SLC5A3: variants seen among roughly 807,000 people sequenced by gnomAD.
SLC5A3 encodes sodium/myo-inositol cotransporter.
Under a neutral mutation model 43.2 loss-of-function variants are expected in SLC5A3, and 10 were observed. The observed-to-expected ratio is 0.23, with a 90% CI of 0.14 to 0.39. The LOEUF (loss-of-function observed/expected upper bound fraction) is 0.39, where lower values mean the gene tolerates loss of function less well. Among genes scored for constraint, SLC5A3 ranks in the 10% least tolerant of loss-of-function variants. The probability of loss-of-function intolerance (pLI) is 1.00; values close to 1 mark genes in which losing one functional copy is unlikely to be tolerated. For missense variants in SLC5A3, 608 were observed against 893.4 expected, an observed-to-expected ratio of 0.68 and a Z score of 4.07; for synonymous variants, 349 against 322.0, an observed-to-expected ratio of 1.08 and a Z score of -0.90.
intron 1 of SLC5A3, among the ~76,000 whole-genome samples, chr21:34,081,964 A>T (rs1042959823): frequency 1.3e-5 from 2 of 151,612 alleles, no homozygotes; most frequent in Non-Finnish European, 2.9e-5. Flanking sequence ...CCCATCTATT[A>T]TTGCCATGAG....
At chr21:34,087,038 C>T (rs113472929) in intron 1 of SLC5A3, among the ~76,000 whole-genome samples, 1,801 of 152,272 alleles carry the variant, frequency 0.012, 39 homozygotes, top group South Asian at 0.081. Flanking sequence ...AAACACGTTC[C>T]GCAGTGGAGT....
Position 34,097,694 on chromosome 21 carries a change from A to G in SLC5A3, c.*339A>G. On this transcript the variant is annotated 3_prime_UTR_variant, in exon 2 of 2. Transcript: ENST00000381151. Reference sequence around the variant, plus strand: ...ATTAAGGTATACTGTCTGCACTGCCAAGTCTTGGCAGACCTTACCCTGAAG... The same window carrying G: ...ATTAAGGTATACTGTCTGCACTGCCGAGTCTTGGCAGACCTTACCCTGAAG... The G allele has an allele frequency of 2.0e-6, 2 of 1,021,554 alleles. No individual in the cohort carries two copies. Among genetic ancestry groups the G allele is most frequent in the Non-Finnish European group, 2.4e-6 (2 of 844,626 alleles). The allele number at this position is 1,021,554 out of a possible 1,614,324, so 63.3% of individuals were successfully genotyped here. A position where few individuals can be genotyped will look rare whatever the true frequency, so the allele number is the denominator to read the frequency against.
Position 34,073,677 on chromosome 21 carries a change from G to C in SLC5A3, c.-405G>C, listed in dbSNP as rs1039111917. On this transcript the variant is annotated 5_prime_UTR_variant, in exon 1 of 2. Coordinates refer to ENST00000381151, the MANE Select transcript of SLC5A3 (RefSeq NM_006933.7). Reference sequence around the variant, plus strand: ...GTCCCGGGAACCGGCTGGCTTCCGAGCCGCACTCGCCGATCCTCCAGGCAT... The same window carrying C: ...GTCCCGGGAACCGGCTGGCTTCCGACCCGCACTCGCCGATCCTCCAGGCAT... The C allele has an allele frequency of 5.3e-6, 8 of 1,515,014 alleles. No homozygotes were observed. The highest frequency in any genetic ancestry group is 1.2e-5 in the South Asian group (1 of 86,546). 93.8% of individuals were successfully genotyped at this position (1,515,014 alleles called of 1,614,324 possible).
intron 1 of SLC5A3, among the ~76,000 whole-genome samples, chr21:34,075,147 A>G (rs543661780): frequency 2.0e-5 from 3 of 152,372 alleles, no homozygotes; most frequent in Non-Finnish European, 2.9e-5. Flanking sequence ...GAAGTTGTTT[A>G]AGCCCTCCCT....
intron 1 of SLC5A3, among the ~76,000 whole-genome samples, chr21:34,083,386 C>T (rs1222764243): frequency 6.6e-6 from 1 of 152,126 alleles, no homozygotes; most frequent in East Asian, 1.9e-4. Flanking sequence ...GTATGAATTC[C>T]GAATATAAAA....
intron 1 of SLC5A3, among the ~76,000 whole-genome samples, chr21:34,092,723 A>T (rs183799436): frequency 6.6e-6 from 1 of 152,360 alleles, no homozygotes; most frequent in African/African-American, 2.4e-5. Context: ...CTCTGAACAA[A>T]TAAGCTGCAG....
At position 34,073,584 on chromosome 21, in the gene SLC5A3, G is replaced by C; in HGVS notation, c.-498G>C. 1 of 869,650 alleles carries C rather than the reference G, an allele frequency of 1.1e-6. No homozygotes were observed. The highest frequency in any genetic ancestry group is 1.7e-6 in the Non-Finnish European group (1 of 586,068). 53.9% of individuals were successfully genotyped at this position (869,650 alleles called of 1,614,324 possible). A position where few individuals can be genotyped will look rare whatever the true frequency, so the allele number is the denominator to read the frequency against. On this transcript the variant is annotated 5_prime_UTR_variant, in exon 1 of 2. Transcript: ENST00000381151. ...GCTCGCGCTCTCGGACCGTGCTTTC[G>C]CCGCCTGGGAGCCGTCCGGCGCAGC...
At chr21:34,087,455 G>C (rs1978451442) in intron 1 of SLC5A3, among the ~76,000 whole-genome samples, 1 of 152,182 alleles carries the variant, frequency 6.6e-6, no homozygotes, top group African/African-American at 2.4e-5. Flanking sequence ...ACACATCAGG[G>C]AACAACACAG....
At position 34,103,866 on chromosome 21, in the gene SLC5A3, A is replaced by C. The variant is rs1418678736; in HGVS notation, c.*6511A>C. 1 of 1,000,050 alleles carries C rather than the reference A, an allele frequency of 1.0e-6. No individual in the cohort carries two copies. Among genetic ancestry groups the C allele is most frequent in the African/African-American group, 1.7e-5 (1 of 57,232 alleles). 61.9% of individuals were successfully genotyped at this position (1,000,050 alleles called of 1,614,324 possible). On this transcript the variant is annotated 3_prime_UTR_variant, in exon 2 of 2. Transcript: ENST00000381151. Reference sequence around the variant, plus strand: ...GGGTTACTAGCTAAAATGGGGTTTGAGGGCTTTTTACTGCAACTTGAAACT... The same window carrying C: ...GGGTTACTAGCTAAAATGGGGTTTGCGGGCTTTTTACTGCAACTTGAAACT...
In SLC5A3 at chr21:34,105,123, A is replaced by G; in HGVS notation, c.*7768A>G. On this transcript the variant is annotated 3_prime_UTR_variant, in exon 2 of 2. Coordinates refer to ENST00000381151, the MANE Select transcript of SLC5A3 (RefSeq NM_006933.7). ...AATAATGCCATACTCCATTAGTGTC[A>G]GATGATGGTATGGAATTTGTTCCCT... 2 of 1,000,202 alleles carry G rather than the reference A, an allele frequency of 2.0e-6. No homozygotes were observed. The highest frequency in any genetic ancestry group is 9.4e-5 in the South Asian group (2 of 21,284). 62.0% of individuals were successfully genotyped at this position (1,000,202 alleles called of 1,614,324 possible).
intron 1 of SLC5A3, among the ~76,000 whole-genome samples, chr21:34,083,090 T>G (rs556970228): frequency 1.1e-3 from 172 of 152,328 alleles, no homozygotes; most frequent in African/African-American, 4.0e-3. Context: ...TGACTTGAGT[T>G]TTTAAAAGTT....
chr21:34,104,614 G>A lies in SLC5A3; in HGVS notation c.*7259G>A. 1 of 1,000,168 alleles carries A rather than the reference G, an allele frequency of 1.0e-6. No individual in the cohort carries two copies. The highest frequency in any genetic ancestry group is 1.2e-6 in the Non-Finnish European group (1 of 829,950). 62.0% of individuals were successfully genotyped at this position (1,000,168 alleles called of 1,614,324 possible). ...AGAAGAGTTAACCTGAACACTTTGA[G>A]GGAGAGATTATTCTTGCCAGCAAAA... is the stretch of plus-strand genomic sequence containing the variant. On this transcript the variant is annotated 3_prime_UTR_variant, in exon 2 of 2. Coordinates refer to ENST00000381151, the MANE Select transcript of SLC5A3 (RefSeq NM_006933.7).
At position 34,100,231 on chromosome 21, in the gene SLC5A3, C is replaced by CTT; in HGVS notation, c.*2879_*2880dup. The CTT allele has an allele frequency of 1.0e-6, 1 of 1,000,178 alleles. No individual in the cohort carries two copies. The highest frequency in any genetic ancestry group is 1.2e-6 in the Non-Finnish European group (1 of 829,946). The allele number at this position is 1,000,178 out of a possible 1,614,324, so 62.0% of individuals were successfully genotyped here. ...GTTAATGGTATCCCCAGTTCTTAGA[C>CTT]TTTTGTCTTCTCAGGCAATTTTCAT... On this transcript the variant is annotated 3_prime_UTR_variant, in exon 2 of 2. Coordinates refer to ENST00000381151, the MANE Select transcript of SLC5A3 (RefSeq NM_006933.7).
At chr21:34,075,720 G>A (rs1429455219) in intron 1 of SLC5A3, among the ~76,000 whole-genome samples, 1 of 152,200 alleles carries the variant, frequency 6.6e-6, no homozygotes, top group Admixed American at 6.5e-5. Flanking sequence ...TAGCTTCTCA[G>A]TTATTTGTTC....
In SLC5A3 at chr21:34,103,998, T is replaced by C. The variant is rs760815064; in HGVS notation, c.*6643T>C. On this transcript the variant is annotated 3_prime_UTR_variant, in exon 2 of 2. Coordinates refer to ENST00000381151, the MANE Select transcript of SLC5A3 (RefSeq NM_006933.7). ...GTTTTTTGTAAAAAATCTTAAATCTTTTAGGAAATATTACCTCTTAACAGT... is the reference window on the plus strand; with the variant it reads ...GTTTTTTGTAAAAAATCTTAAATCTCTTAGGAAATATTACCTCTTAACAGT... 6.7e-5 allele frequency: 67 copies of C among 1,000,084 alleles called. No homozygotes were observed. The highest frequency in any genetic ancestry group is 7.2e-5 in the Non-Finnish European group (60 of 829,922). 62.0% of individuals were successfully genotyped at this position (1,000,084 alleles called of 1,614,324 possible). A position where few individuals can be genotyped will look rare whatever the true frequency, so the allele number is the denominator to read the frequency against.
In SLC5A3 at chr21:34,100,854, C is replaced by G; in HGVS notation, c.*3499C>G. Reference sequence around the variant, plus strand: ...GTGGGTTATTTTCATTCTTTACCACCAAATAAAGCGGCTTATTAGCTACTC... The same window carrying G: ...GTGGGTTATTTTCATTCTTTACCACGAAATAAAGCGGCTTATTAGCTACTC... On this transcript the variant is annotated 3_prime_UTR_variant, in exon 2 of 2. Transcript: ENST00000381151. 1 of 1,000,120 alleles carries G rather than the reference C, an allele frequency of 1.0e-6. No homozygotes were observed. The allele number at this position is 1,000,120 out of a possible 1,614,324, so 62.0% of individuals were successfully genotyped here. A position where few individuals can be genotyped will look rare whatever the true frequency, so the allele number is the denominator to read the frequency against.
At chr21:34,083,038 C>T (rs1446373359) in intron 1 of SLC5A3, among the ~76,000 whole-genome samples, 1 of 152,178 alleles carries the variant, frequency 6.6e-6, no homozygotes, top group Non-Finnish European at 1.5e-5. Context: ...CATTTTTCTG[C>T]TTCTGCCCCA....
In SLC5A3 at chr21:34,073,716, C is replaced by T; in HGVS notation, c.-366C>T. On this transcript the variant is annotated 5_prime_UTR_variant, in exon 1 of 2. Transcript: ENST00000381151. ...TCCTCCAGGCATGCCCCGCTACGAG[C>T]TGGCTTTAATCCTGAAAGCCATGCA... 1 of 1,529,450 alleles carries T rather than the reference C, an allele frequency of 6.5e-7. No homozygotes were observed. Among genetic ancestry groups the T allele is most frequent in the Non-Finnish European group, 8.8e-7 (1 of 1,132,180 alleles). The allele number at this position is 1,529,450 out of a possible 1,614,324, so 94.7% of individuals were successfully genotyped here. A position where few individuals can be genotyped will look rare whatever the true frequency, so the allele number is the denominator to read the frequency against.
chr21:34,089,797 C>G (rs531592400), intron 1 of SLC5A3, among the ~76,000 whole-genome samples: 1 of 152,172 alleles, frequency 6.6e-6, no homozygotes, highest in Non-Finnish European at 1.5e-5. Context: ...TGAGTCCAAT[C>G]AGGGTTTTGT....
Sources: gnomAD v4.1 joint callset for allele counts (sites outside exome capture counted in the v4.1 genomes callset) on GRCh38, gnomAD v4.1.1 for gene constraint, MANE v1.5 for transcripts, NCBI Gene and HGNC (gene_info 2026-07-23, HGNC 2026-07-21) for gene names.